SUMF1: variants seen among roughly 807,000 people sequenced by gnomAD.
SUMF1 encodes formylglycine-generating enzyme.
In SUMF1, 48 loss-of-function variants were observed where a neutral mutation model predicts 47.6. The ratio of observed to expected loss-of-function variants is 1.01; its 90% CI spans 0.80 to 1.28. The LOEUF (loss-of-function observed/expected upper bound fraction) is 1.28. SUMF1 is among the 50% of genes most tolerant of loss of function. The pLI is 0.00. For synonymous variants in SUMF1, 230 were observed against 192.1 expected (o/e 1.20, Z -1.63); for missense variants, 571 against 485.4 (o/e 1.18, Z -1.66).
rs148312514 is a variant in SUMF1, at chr3:4,163,199, C to T, written c.1015-94454G>A. On this transcript the variant is annotated intron_variant and NMD_transcript_variant, in intron 8 of 12. Transcript: ENST00000448413. ...TCTCCCGGTAGACTGCTAGGGTTTC[C>T]GGGTCACTGCACTTTGCCTATTGAA... 1.0e-3 allele frequency among the ~76,000 whole-genome samples: 153 copies of T among 151,630 alleles called. 3 individuals carry two copies. The East Asian group carries it at 0.026, about 26-fold the overall frequency.
chr3:4,099,382 C>T (rs1392038844), intron 8 of SUMF1, among the ~76,000 whole-genome samples: 1 of 152,038 alleles, frequency 6.6e-6, no homozygotes, highest in East Asian at 1.9e-4. Context: ...TCAATAGATG[C>T]AGAAAAAGCA....
At chr3:4,243,179 GTCTA>G (rs1349138012) in intron 8 of SUMF1, among the ~76,000 whole-genome samples, 10 of 152,038 alleles carry the variant, frequency 6.6e-5, no homozygotes, top group East Asian at 1.9e-4. Flanking sequence ...CTTGCTAGTG[GTCTA>G]TCTATTTTGT....
In SUMF1 at chr3:4,268,168, C is replaced by A. The variant is rs138983667; in HGVS notation, c.1014+108162G>T. On this transcript the variant is annotated intron_variant and NMD_transcript_variant, in intron 8 of 12. Coordinates refer to the SUMF1 transcript ENST00000448413. ...ACCAAACACCGCATATTCTCACTCA[C>A]AGGTGGGAACTGAACAATGGGAACA... Among the ~76,000 whole-genome samples, 1,053 of 151,914 alleles carry A rather than the reference C, an allele frequency of 6.9e-3. 10 individuals are homozygous for A. Among genetic ancestry groups the A allele is most frequent in the African/African-American group, 0.024 (995 of 41,420 alleles).
chr3:4,164,453 C>T (rs927096056), intron 8 of SUMF1, among the ~76,000 whole-genome samples: 1 of 152,216 alleles, frequency 6.6e-6, no homozygotes, highest in Non-Finnish European at 1.5e-5. Flanking sequence ...ACTTTGCCCT[C>T]TGGGGCAGTG....
chr3:4,297,903 A>T (rs12494129), intron 8 of SUMF1, among the ~76,000 whole-genome samples: 48,980 of 152,112 alleles, frequency 0.32, 9,080 homozygotes, highest in Non-Finnish European at 0.43. Flanking sequence ...AAAACCCTGA[A>T]CAAAAAAGCA....
At chr3:4,285,309 A>G (rs1403493773) in intron 8 of SUMF1, among the ~76,000 whole-genome samples, 2 of 152,304 alleles carry the variant, frequency 1.3e-5, no homozygotes, top group South Asian at 2.1e-4. Context: ...TAGAATGAGT[A>G]TCTTTACAAA....
At chr3:4,444,709 G>T (rs1224874162) in intron 3 of SUMF1, among the ~76,000 whole-genome samples, 1 of 152,102 alleles carries the variant, frequency 6.6e-6, no homozygotes, top group African/African-American at 2.4e-5. Flanking sequence ...TACAGAACAG[G>T]TTAAACTAAA....
intron 9 of SUMF1, among the ~76,000 whole-genome samples, chr3:4,062,896 A>G (rs886258860): frequency 6.6e-6 from 1 of 152,074 alleles, no homozygotes; most frequent in Non-Finnish European, 1.5e-5. Context: ...AAATTCCTCA[A>G]ATAAGGAGTT....
intron 8 of SUMF1, among the ~76,000 whole-genome samples, chr3:4,250,965 T>C (rs1181767639): frequency 1.3e-5 from 2 of 152,222 alleles, no homozygotes; most frequent in South Asian, 2.1e-4. Flanking sequence ...CTGCATTCCA[T>C]AGATCAAGGA....
intron 8 of SUMF1, among the ~76,000 whole-genome samples, chr3:4,112,710 TA>T (rs1175721180): frequency 1.3e-5 from 2 of 152,230 alleles, no homozygotes; most frequent in East Asian, 3.9e-4. Flanking sequence ...AATGAGGCTA[TA>T]ATCAGCATAA....
chr3:4,037,373 C>T (rs553666863), intron 9 of SUMF1, among the ~76,000 whole-genome samples: 1 of 152,278 alleles, frequency 6.6e-6, no homozygotes, highest in Admixed American at 6.5e-5. Context: ...CCATTCTTTT[C>T]ACATCTTCCA....
At chr3:4,160,617 T>C (rs925743113) in intron 8 of SUMF1, among the ~76,000 whole-genome samples, 3 of 152,106 alleles carry the variant, frequency 2.0e-5, no homozygotes, top group Admixed American at 6.6e-5. Flanking sequence ...CCCTGATGCA[T>C]TCTTCAGTAT....
intron 8 of SUMF1, among the ~76,000 whole-genome samples, chr3:4,233,034 T>C (rs970985266): frequency 2.0e-5 from 3 of 152,126 alleles, no homozygotes; most frequent in Admixed American, 6.6e-5. Context: ...CCTCTGGTGT[T>C]AAGTAAAGCA....
At chr3:4,393,798 C>A (rs903078156) in intron 7 of SUMF1, among the ~76,000 whole-genome samples, 2 of 152,052 alleles carry the variant, frequency 1.3e-5, no homozygotes, top group African/African-American at 4.8e-5. Context: ...TTATCACCTC[C>A]CTTTGGTGGA....
At chr3:4,153,847 A>C (rs1245269117) in intron 8 of SUMF1, among the ~76,000 whole-genome samples, 1 of 151,584 alleles carries the variant, frequency 6.6e-6, no homozygotes, top group African/African-American at 2.4e-5. Flanking sequence ...TTTTAAAGAA[A>C]TATATTTTTA....
At position 4,427,315 on chromosome 3, in the gene SUMF1, C is replaced by G. The variant is rs188941582; in HGVS notation, c.520-7169G>C. ...GACAGCTACCCCTATAAAAACAACC[C>G]GGGAGAATTTTTCAACTGGCATCAG... On this transcript the variant is annotated intron_variant, in intron 3 of 8. Coordinates refer to ENST00000272902, the MANE Select transcript of SUMF1 (RefSeq NM_182760.4). Among the ~76,000 whole-genome samples the G allele has an allele frequency of 1.1e-3, 168 of 152,154 alleles. 1 individual carries two copies. Among genetic ancestry groups the G allele is most frequent in the African/African-American group, 3.8e-3 (158 of 41,522 alleles).
intron 4 of SUMF1, among the ~76,000 whole-genome samples, chr3:4,419,326 C>G (rs1701817441): frequency 6.6e-6 from 1 of 152,164 alleles, no homozygotes; most frequent in African/African-American, 2.4e-5. Context: ...GGCTATATCC[C>G]TAAAGCTGAA....
chr3:4,210,556 T>C (rs371936290), intron 8 of SUMF1, among the ~76,000 whole-genome samples: 1 of 152,174 alleles, frequency 6.6e-6, no homozygotes, highest in African/African-American at 2.4e-5. Flanking sequence ...TGCTGGATCA[T>C]TGGAAAACTA....
intron 8 of SUMF1, among the ~76,000 whole-genome samples, chr3:4,372,858 C>T (rs956225469): frequency 8.5e-5 from 13 of 152,266 alleles, no homozygotes; most frequent in Middle Eastern, 3.4e-3. Context: ...AATTCACAAC[C>T]GACACTATGC....
Sources: allele counts gnomAD v4.1 joint callset (sites outside exome capture counted in the v4.1 genomes callset), GRCh38; gene constraint gnomAD v4.1.1; transcripts MANE v1.5; gene names NCBI Gene and HGNC (gene_info 2026-07-23, HGNC 2026-07-21).